The following STT3B variants were observed in gnomAD, a reference collection of about 807,000 sequenced individuals.
The protein encoded by STT3B is dolichyl-diphosphooligosaccharide--protein glycosyltransferase subunit STT3B.
STT3B carries 29 observed loss-of-function variants against 96.8 expected under a neutral mutation model. The observed-to-expected ratio is 0.30, with a 90% CI of 0.22 to 0.41. STT3B has a LOEUF of 0.41. Ranked by LOEUF, STT3B falls within the 10% of genes least tolerant of loss-of-function variation. The pLI is 1.00. For missense variants in STT3B, 640 were observed against 1,022.3 expected (o/e 0.63, Z 5.10); for synonymous variants, 367 against 360.0 (o/e 1.02, Z -0.22).
chr3:31,585,447 G>A (rs1698515147), intron 3 of STT3B, among the ~76,000 whole-genome samples: 1 of 152,096 alleles, frequency 6.6e-6, no homozygotes, highest in African/African-American at 2.4e-5. Flanking sequence ...AGTAAGAAAT[G>A]AGTACATGTT....
intron 13 of STT3B, among the ~76,000 whole-genome samples, chr3:31,626,435 A>G (rs1699540155): frequency 6.6e-6 from 1 of 152,022 alleles, no homozygotes; most frequent in South Asian, 2.1e-4. Flanking sequence ...CCACTCTAGT[A>G]CTTACCCTTA....
intron 1 of STT3B, among the ~76,000 whole-genome samples, chr3:31,556,955 T>C (rs1042827792): frequency 2.6e-5 from 4 of 152,252 alleles, no homozygotes; most frequent in African/African-American, 9.6e-5. Flanking sequence ...GCATAAAATC[T>C]TTGCCTTGAC....
chr3:31,612,293 A>C (rs1032324905), intron 5 of STT3B, among the ~76,000 whole-genome samples: 24 of 152,202 alleles, frequency 1.6e-4, no homozygotes, highest in Admixed American at 6.5e-5. Context: ...TAAACATCTC[A>C]GGTTCAGTGA....
intron 3 of STT3B, among the ~76,000 whole-genome samples, chr3:31,589,939 C>T (rs1559377340): frequency 3.3e-5 from 5 of 151,824 alleles, no homozygotes; most frequent in Admixed American, 3.3e-4. Flanking sequence ...GGTATTACTT[C>T]TTCTTTAACT....
chr3:31,565,999 C>T (rs1451484813), intron 1 of STT3B, among the ~76,000 whole-genome samples: 2 of 152,082 alleles, frequency 1.3e-5, no homozygotes, highest in Non-Finnish European at 2.9e-5. Flanking sequence ...GATACGCATG[C>T]CATTGTTTTC....
chr3:31,633,422 T>C (rs73826818), intron 15 of STT3B, among the ~76,000 whole-genome samples: 7,844 of 152,230 alleles, frequency 0.052, 699 homozygotes, highest in African/African-American at 0.18. Context: ...AAGATGTAGC[T>C]GTGGCCATCG....
At chr3:31,599,579 G>A (rs1698879832) in intron 4 of STT3B, among the ~76,000 whole-genome samples, 1 of 152,176 alleles carries the variant, frequency 6.6e-6, no homozygotes, top group African/African-American at 2.4e-5. Flanking sequence ...CATATAGTCT[G>A]CTAACATGAC....
chr3:31,599,824 G>C (rs573002874), intron 4 of STT3B, among the ~76,000 whole-genome samples: 1 of 152,222 alleles, frequency 6.6e-6, no homozygotes, highest in African/African-American at 2.4e-5. Flanking sequence ...ATCTTGCTTT[G>C]TAATCCATTT....
At chr3:31,574,926 T>A (rs957953243) in intron 1 of STT3B, among the ~76,000 whole-genome samples, 1 of 152,228 alleles carries the variant, frequency 6.6e-6, no homozygotes, top group Non-Finnish European at 1.5e-5. Flanking sequence ...AATTTTTTTA[T>A]ACTTTTTATC....
chr3:31,608,019 G>T (rs1487182676), intron 5 of STT3B, among the ~76,000 whole-genome samples: 1 of 152,120 alleles, frequency 6.6e-6, no homozygotes, highest in Non-Finnish European at 1.5e-5. Context: ...TGATCCTAAG[G>T]TATTGAAAAC....
Position 31,600,422 on chromosome 3 carries a change from G to A in STT3B, c.840G>A (p.Leu280=). The change falls in exon 5 of 16, where the codon TTG becomes TTA. Residue 280 remains leucine, a synonymous_variant. Transcript: ENST00000295770. The stretch of plus-strand genomic sequence containing the variant: ...TTATTCCACTGCATGTATTTGTGTT[G>A]TTACTGATGCAGAGATACAGCAAAA... ...INLIPLHVFV[L]LLMQRYSKRV... is the part of the protein sequence containing the mutation. The A allele has an allele frequency of 1.9e-6, 3 of 1,596,260 alleles. No homozygotes were observed. The African/African-American group carries it at 4.0e-5, about 21-fold the overall frequency.
chr3:31,556,706 T>C (rs1226904574), intron 1 of STT3B, among the ~76,000 whole-genome samples: 1 of 152,246 alleles, frequency 6.6e-6, no homozygotes, highest in Non-Finnish European at 1.5e-5. Context: ...TTTTGAGAAA[T>C]ATCTGTTCAT....
At position 31,617,037 on chromosome 3, in the gene STT3B, G is replaced by T; in HGVS notation, c.1085G>T (p.Gly362Val). Reference protein sequence around the residue: ...LFFLGVSLAAGAVFLSVIYLT... With the variant: ...LFFLGVSLAAVAVFLSVIYLT... ...TTTTTGGGTGTATCACTAGCTGCAG[G>T]TGCTGTGTTCCTTAGTGTCATCTAT... Residue 362 changes from glycine to valine, a missense_variant, in exon 7 of 16, where the codon GGT becomes GTT. By Grantham distance (109) the Gly-to-Val change is moderately radical (BLOSUM62 -3). This residue lies in a region of STT3B where 267 missense variants were observed against 388.3 expected (regional missense o/e 0.69). Coordinates refer to ENST00000295770, the MANE Select transcript of STT3B (RefSeq NM_178862.3). The T allele has an allele frequency of 6.2e-7, 1 of 1,611,250 alleles. No individual in the cohort carries two copies. Among genetic ancestry groups the T allele is most frequent in the Non-Finnish European group, 8.5e-7 (1 of 1,177,964 alleles).
chr3:31,605,631 G>C (rs538619734), intron 5 of STT3B, among the ~76,000 whole-genome samples: 1 of 152,280 alleles, frequency 6.6e-6, no homozygotes, highest in East Asian at 1.9e-4. Flanking sequence ...AGGCCTCCCA[G>C]CCACGTGGAA....
intron 1 of STT3B, among the ~76,000 whole-genome samples, chr3:31,565,982 A>G (rs545922351): frequency 2.6e-5 from 4 of 152,318 alleles, no homozygotes; most frequent in Admixed American, 6.5e-5. Flanking sequence ...ATAGATATAG[A>G]TCTATAGATA....
intron 5 of STT3B, among the ~76,000 whole-genome samples, chr3:31,609,856 C>T (rs1489964584): frequency 6.6e-6 from 1 of 152,114 alleles, no homozygotes; most frequent in Admixed American, 6.5e-5. Flanking sequence ...AACCACCACA[C>T]CCGGCCACAC....
chr3:31,548,085 G>A (rs1022683667), intron 1 of STT3B, among the ~76,000 whole-genome samples: 40 of 152,194 alleles, frequency 2.6e-4, no homozygotes, highest in African/African-American at 9.2e-4. Context: ...TGGAACAGGA[G>A]TGGTGATTCC....
chr3:31,551,552 A>C (rs527450750), intron 1 of STT3B, among the ~76,000 whole-genome samples: 3 of 152,132 alleles, frequency 2.0e-5, no homozygotes, highest in Admixed American at 1.3e-4. Context: ...GTTAGCATCC[A>C]TAATTGGTCA....
intron 1 of STT3B, among the ~76,000 whole-genome samples, chr3:31,572,675 A>G (rs1334158008): frequency 2.0e-5 from 3 of 152,182 alleles, no homozygotes; most frequent in Admixed American, 6.5e-5. Context: ...CAGTCTGGGC[A>G]ACAAAGCAAG....
Sources: gnomAD v4.1 joint callset for allele counts (sites outside exome capture counted in the v4.1 genomes callset) on GRCh38, gnomAD v4.1.1 for gene constraint, gnomAD v4.1.1 regional missense constraint, MANE v1.5 for transcripts, NCBI Gene and HGNC (gene_info 2026-07-23, HGNC 2026-07-21) for gene names.